The following TMEM156 variants were observed in gnomAD, a reference collection of about 807,000 sequenced individuals.
TMEM156 encodes transmembrane protein 156.
TMEM156 carries 28 observed loss-of-function variants against 30.5 expected under a neutral mutation model. The ratio of observed to expected loss-of-function variants is 0.92; its 90% CI spans 0.68 to 1.26. The LOEUF (loss-of-function observed/expected upper bound fraction) is 1.26. Ranked by LOEUF, TMEM156 falls within the 50% of genes most tolerant of loss-of-function variation. The probability of loss-of-function intolerance (pLI) is 0.00; values close to 1 mark genes in which losing one functional copy is unlikely to be tolerated. For missense variants in TMEM156, 351 were observed against 340.6 expected (o/e 1.03, Z -0.24); for synonymous variants, 137 against 119.9 (o/e 1.14, Z -0.93).
intron 3 of TMEM156, among the ~76,000 whole-genome samples, chr4:38,990,221 G>T (rs747206063): frequency 1.3e-5 from 2 of 152,208 alleles, no homozygotes; most frequent in Non-Finnish European, 2.9e-5. Context: ...CCTTTGTGGG[G>T]TTCATAACCT....
rs775418304 is a variant in TMEM156, at chr4:38,994,022, T to C, written c.359-24A>G. On this transcript the variant is annotated intron_variant, in intron 2 of 6. Coordinates refer to ENST00000381938, the MANE Select transcript of TMEM156 (RefSeq NM_024943.3). ...AACTAGAAAGTGATTAAGAAAATGT[T>C]ATTTGCAAAATATTAATACATAGCA... 3 of 1,596,234 alleles carry C rather than the reference T, an allele frequency of 1.9e-6. No individual in the cohort carries two copies. The East Asian group carries it at 6.7e-5, about 36-fold the overall frequency.
chr4:38,998,586 ATAAAT>A, intron 2 of TMEM156, 49 bp downstream of exon 2: 1 of 1,480,172 alleles, frequency 6.8e-7, no homozygotes, highest in African/African-American at 1.4e-5. Flanking sequence ...TTTTAACAGA[ATAAAT>A]TAATTTATAC....
At chr4:38,993,552 C>T (rs2109956451) in intron 3 of TMEM156, among the ~76,000 whole-genome samples, 186 bp downstream of exon 3, 1 of 152,220 alleles carries the variant, frequency 6.6e-6, no homozygotes, top group East Asian at 1.9e-4. Context: ...TACAGGTAGG[C>T]CCCATAAAAA....
intron 1 of TMEM156, 82 bp downstream of exon 1, chr4:39,032,144 A>C: frequency 1.2e-6 from 1 of 852,722 alleles, no homozygotes; most frequent in Non-Finnish European, 1.9e-6. Context: ...GTGTCCAAAA[A>C]GAGGATCTTT....
At chr4:39,013,405 ATTTATTTATTT>A (rs1714261818) in intron 1 of TMEM156, among the ~76,000 whole-genome samples, 1 of 149,324 alleles carries the variant, frequency 6.7e-6, no homozygotes. Flanking sequence ...TTATTTATTT[ATTTATTTATTT>A]ATTAAGACGG....
chr4:39,012,115 A>T (rs1226224466), intron 1 of TMEM156, among the ~76,000 whole-genome samples: 2 of 152,204 alleles, frequency 1.3e-5, no homozygotes, highest in East Asian at 3.8e-4. Context: ...AAACCTCAGC[A>T]TCACATAATA....
At chr4:38,991,761 G>GAAAAA (rs1712482703) in intron 3 of TMEM156, among the ~76,000 whole-genome samples, 1 of 151,886 alleles carries the variant, frequency 6.6e-6, no homozygotes, top group South Asian at 2.1e-4. Flanking sequence ...CAGTTAGGTG[G>GAAAAA]ATATACAAAT....
At chr4:38,969,982 C>T (rs1266486879) in intron 6 of TMEM156, among the ~76,000 whole-genome samples, 1 of 152,196 alleles carries the variant, frequency 6.6e-6, no homozygotes, top group Non-Finnish European at 1.5e-5. Flanking sequence ...AAATATCCTA[C>T]TGTTTTCTGT....
chr4:38,996,930 CAGAT>C (rs879747904), intron 2 of TMEM156, among the ~76,000 whole-genome samples: 2 of 151,978 alleles, frequency 1.3e-5, no homozygotes, highest in African/African-American at 2.4e-5. Flanking sequence ...GATAGATAGA[CAGAT>C]AGATCAATGT....
chr4:38,985,504 T>C (rs1711915108), intron 5 of TMEM156, among the ~76,000 whole-genome samples: 1 of 152,220 alleles, frequency 6.6e-6, no homozygotes, highest in Non-Finnish European at 1.5e-5. Context: ...TCTATGTCGC[T>C]ACTGATGCAG....
chr4:38,971,011 T>A, intron 6 of TMEM156, 21 bp downstream of exon 6: 1 of 1,479,858 alleles, frequency 6.8e-7, no homozygotes, highest in East Asian at 2.3e-5. Flanking sequence ...AAGAAGTCGA[T>A]AAAGCCGAAT....
rs369534012 is a variant in TMEM156 at position 38,971,039 on chromosome 4, A to G, written c.*31T>C. Reference sequence around the variant, plus strand: ...AGCCGAATCATCACTCACCGTGTATATTGATCTCACTGATGCACTGTGGAA... The same window carrying G: ...AGCCGAATCATCACTCACCGTGTATGTTGATCTCACTGATGCACTGTGGAA... On this transcript the variant is annotated 3_prime_UTR_variant, in exon 6 of 7. Transcript: ENST00000381938. 8 of 1,594,172 alleles carry G rather than the reference A, an allele frequency of 5.0e-6. No homozygotes were observed. Among genetic ancestry groups the G allele is most frequent in the African/African-American group, 1.3e-5 (1 of 74,466 alleles).
At chr4:38,997,187 G>C (rs1262484015) in intron 2 of TMEM156, among the ~76,000 whole-genome samples, 5 of 152,142 alleles carry the variant, frequency 3.3e-5, no homozygotes, top group Admixed American at 2.6e-4. Context: ...CATCATAGAG[G>C]CATTTTCACA....
chr4:39,025,382 T>G (rs1484178342), intron 1 of TMEM156, among the ~76,000 whole-genome samples: 1 of 139,394 alleles, frequency 7.2e-6, no homozygotes, highest in Non-Finnish European at 1.6e-5. Context: ...TGGAATAAAC[T>G]CAAAAAGATT....
chr4:39,009,000 T>C (rs1375490190), intron 1 of TMEM156, among the ~76,000 whole-genome samples: 1 of 151,990 alleles, frequency 6.6e-6, no homozygotes, highest in African/African-American at 2.4e-5. Flanking sequence ...ACAAGATTAA[T>C]AAACTGCTAC....
chr4:38,994,918 A>G (rs1712818308), intron 2 of TMEM156, among the ~76,000 whole-genome samples: 2 of 151,836 alleles, frequency 1.3e-5, no homozygotes, highest in South Asian at 4.2e-4. Context: ...AGCCTGGGTA[A>G]CAGAAGGAGA....
intron 1 of TMEM156, among the ~76,000 whole-genome samples, chr4:39,011,729 C>T (rs755195499): frequency 7.8e-4 from 119 of 152,204 alleles, no homozygotes; most frequent in Admixed American, 9.8e-4. Context: ...GCCGACATCA[C>T]ATAATTGCAC....
chr4:38,968,325 A>C, intron 6 of TMEM156, among the ~76,000 whole-genome samples: 1 of 152,252 alleles, frequency 6.6e-6, no homozygotes, highest in East Asian at 1.9e-4. Flanking sequence ...ACAAATCCTT[A>C]TTGAACATCT....
chr4:39,030,090 G>T (rs1715429500), intron 1 of TMEM156, among the ~76,000 whole-genome samples: 1 of 151,576 alleles, frequency 6.6e-6, no homozygotes, highest in South Asian at 2.1e-4. Flanking sequence ...GGTGGTATGT[G>T]CCTGTAGTCC....
Sources: gnomAD v4.1 joint callset for allele counts (sites outside exome capture counted in the v4.1 genomes callset) on GRCh38, gnomAD v4.1.1 for gene constraint, MANE v1.5 for transcripts, NCBI Gene and HGNC (gene_info 2026-07-23, HGNC 2026-07-21) for gene names.